Variants in SLC26A7 observed in about 807,000 individuals in gnomAD.
The protein encoded by SLC26A7 is solute carrier family 26 member 7.
In SLC26A7, 59 loss-of-function variants were observed where a neutral mutation model predicts 82.5. The ratio of observed to expected loss-of-function variants is 0.72; its 90% CI spans 0.58 to 0.89. The LOEUF (loss-of-function observed/expected upper bound fraction) is 0.89, where lower values mean the gene tolerates loss of function less well. Ranked by LOEUF, SLC26A7 falls within the 40% of genes least tolerant of loss-of-function variation. The probability of loss-of-function intolerance (pLI) is 0.00; values close to 1 mark genes in which losing one functional copy is unlikely to be tolerated. For synonymous variants in SLC26A7, 271 were observed against 274.3 expected, an observed-to-expected ratio of 0.99 and a Z score of 0.12; for missense variants, 820 against 793.0, an observed-to-expected ratio of 1.03 and a Z score of -0.41.
intron 2 of SLC26A7, among the ~76,000 whole-genome samples, chr8:91,256,168 A>G (rs1010409834): frequency 6.6e-6 from 1 of 152,144 alleles, no homozygotes; most frequent in African/African-American, 2.4e-5. Flanking sequence ...AGGGTTCCAT[A>G]TCTAGCAACG....
chr8:91,388,470 A>T (rs905856536), intron 15 of SLC26A7, among the ~76,000 whole-genome samples: 6 of 152,164 alleles, frequency 3.9e-5, no homozygotes, highest in African/African-American at 1.4e-4. Flanking sequence ...ATACAGAAAA[A>T]CCTTGAACAT....
At chr8:91,261,697 G>C (rs998935181) in intron 2 of SLC26A7, among the ~76,000 whole-genome samples, 2 of 152,054 alleles carry the variant, frequency 1.3e-5, no homozygotes, top group African/African-American at 4.8e-5. Context: ...CCCTGGAAAG[G>C]ATCTCAAGGG....
At chr8:91,363,810 A>AT (rs1814115613) in intron 13 of SLC26A7, among the ~76,000 whole-genome samples, 1 of 152,282 alleles carries the variant, frequency 6.6e-6, no homozygotes, top group Non-Finnish European at 1.5e-5. Context: ...GAATCATGGC[A>AT]TTTGGACACC....
intron 15 of SLC26A7, among the ~76,000 whole-genome samples, chr8:91,378,582 G>T (rs947393031): frequency 2.0e-5 from 3 of 151,620 alleles, no homozygotes; most frequent in Non-Finnish European, 4.4e-5. Context: ...CTAGTCTGAA[G>T]AACTTAATTA....
At chr8:91,317,786 T>G (rs1406131215) in intron 4 of SLC26A7, among the ~76,000 whole-genome samples, 1 of 152,000 alleles carries the variant, frequency 6.6e-6, no homozygotes, top group African/African-American at 2.4e-5. Flanking sequence ...CATAGACCCA[T>G]ACATTAAACT....
chr8:91,395,424 T>A lies in SLC26A7; in HGVS notation c.*327T>A. On this transcript the variant is annotated 3_prime_UTR_variant, in exon 19 of 19. Transcript: ENST00000276609. The stretch of plus-strand genomic sequence containing the variant: ...TTCTATTGTGCTGTAAGTTGATGTT[T>A]AAAATTGAGAAATACTTTTGTCATA... 1 of 296,928 alleles carries A rather than the reference T, an allele frequency of 3.4e-6. No homozygotes were observed. Among genetic ancestry groups the A allele is most frequent in the Non-Finnish European group, 5.5e-6 (1 of 181,752 alleles). The allele number at this position is 296,928 out of a possible 1,614,324, so 18.4% of individuals were successfully genotyped here.
At chr8:91,378,829 C>T (rs940430108) in intron 15 of SLC26A7, among the ~76,000 whole-genome samples, 2 of 151,692 alleles carry the variant, frequency 1.3e-5, no homozygotes, top group African/African-American at 4.8e-5. Flanking sequence ...AAAAATATAA[C>T]CCCAAAACTA....
intron 18 of SLC26A7, chr8:91,394,531 G>A (rs1383240961): frequency 1.5e-6 from 2 of 1,294,876 alleles, no homozygotes; most frequent in African/African-American, 3.0e-5. Flanking sequence ...TTATGGTTTA[G>A]TTTTACAACT....
chr8:91,289,128 C>T lies in SLC26A7; in HGVS notation c.194-8C>T, dbSNP rs1192829718. 1.9e-6 allele frequency: 3 copies of T among 1,605,734 alleles called. No individual in the cohort carries two copies. The highest frequency in any genetic ancestry group is 3.3e-5 in the Admixed American group (2 of 59,940). On this transcript the variant is annotated splice_region_variant and splice_polypyrimidine_tract_variant and intron_variant, in intron 2 of 18. Coordinates refer to ENST00000276609, the MANE Select transcript of SLC26A7 (RefSeq NM_052832.4). ...AGGTGGTTTTAATTACCCTAGTCTTCTTCACAGGATTGGCCTTTGCTGTTC... is the reference window on the plus strand; with the variant it reads ...AGGTGGTTTTAATTACCCTAGTCTTTTTCACAGGATTGGCCTTTGCTGTTC...
At chr8:91,213,402 T>C (rs374593754) in intron 1 of SLC26A7, among the ~76,000 whole-genome samples, 1 of 152,186 alleles carries the variant, frequency 6.6e-6, no homozygotes, top group Non-Finnish European at 1.5e-5. Flanking sequence ...ATGGTTACCC[T>C]TGCTAAATGG....
intron 9 of SLC26A7, among the ~76,000 whole-genome samples, chr8:91,345,113 T>A (rs1160770786): frequency 6.6e-6 from 1 of 152,130 alleles, no homozygotes; most frequent in East Asian, 1.9e-4. Flanking sequence ...TGCTATTTTT[T>A]TTTTTTCAAA....
chr8:91,269,145 T>C (rs1349853049), intron 2 of SLC26A7, among the ~76,000 whole-genome samples: 1 of 152,074 alleles, frequency 6.6e-6, no homozygotes, highest in African/African-American at 2.4e-5. Context: ...AGTATTAGAG[T>C]ATTCTAAAAT....
chr8:91,227,774 G>A (rs962799496), intron 2 of SLC26A7, among the ~76,000 whole-genome samples: 1 of 152,082 alleles, frequency 6.6e-6, no homozygotes, highest in Non-Finnish European at 1.5e-5. Context: ...AGTTTTTAAT[G>A]AAGCTGGACT....
At chr8:91,387,444 G>T (rs1814830601) in intron 15 of SLC26A7, among the ~76,000 whole-genome samples, 1 of 152,112 alleles carries the variant, frequency 6.6e-6, no homozygotes, top group African/African-American at 2.4e-5. Flanking sequence ...TAACCACTTA[G>T]CCCCCCTTGC....
chr8:91,326,157 G>C (rs1274619109), intron 5 of SLC26A7, among the ~76,000 whole-genome samples: 2 of 152,026 alleles, frequency 1.3e-5, no homozygotes, highest in Admixed American at 1.3e-4. Flanking sequence ...TTGTGTTTTA[G>C]AATACTTCTA....
intron 2 of SLC26A7, among the ~76,000 whole-genome samples, chr8:91,271,350 A>G (rs1811261920): frequency 6.6e-6 from 1 of 152,238 alleles, no homozygotes; most frequent in Admixed American, 6.5e-5. Flanking sequence ...TTTTTTAAAA[A>G]AGATTTATCC....
At chr8:91,252,148 A>G (rs1305508604) in intron 2 of SLC26A7, among the ~76,000 whole-genome samples, 4 of 152,042 alleles carry the variant, frequency 2.6e-5, no homozygotes, top group African/African-American at 4.8e-5. Context: ...AGCTTTACCC[A>G]TTTTTGTAGC....
intron 5 of SLC26A7, among the ~76,000 whole-genome samples, chr8:91,323,275 A>G (rs1287894205): frequency 6.6e-6 from 1 of 152,350 alleles, no homozygotes; most frequent in East Asian, 1.9e-4. Context: ...TGCAGGGGAT[A>G]GAAGATGTGG....
chr8:91,291,024 T>A (rs1022755577), intron 3 of SLC26A7, among the ~76,000 whole-genome samples: 1 of 152,160 alleles, frequency 6.6e-6, no homozygotes, highest in African/African-American at 2.4e-5. Context: ...CTGTTTTTAT[T>A]TAATCTGTAG....
Sources: allele counts gnomAD v4.1 joint callset (sites outside exome capture counted in the v4.1 genomes callset), GRCh38; gene constraint gnomAD v4.1.1; transcripts MANE v1.5; gene names NCBI Gene and HGNC (gene_info 2026-07-23, HGNC 2026-07-21).